CCDC33: variants seen among roughly 807,000 people sequenced by gnomAD.
CCDC33 encodes coiled-coil domain-containing protein 33.
CCDC33 carries 94 observed loss-of-function variants against 91.9 expected under a neutral mutation model. The ratio of observed to expected loss-of-function variants is 1.02; its 90% CI spans 0.87 to 1.21. CCDC33 has a LOEUF of 1.21. CCDC33 is among the 50% of genes most tolerant of loss of function. The pLI is 0.00. For synonymous variants in CCDC33, 396 were observed against 374.5 expected, an observed-to-expected ratio of 1.06 and a Z score of -0.66; for missense variants, 940 against 935.5, an observed-to-expected ratio of 1.00 and a Z score of -0.06.
intron 2 of CCDC33, among the ~76,000 whole-genome samples, chr15:74,258,656 G>T (rs562990422): frequency 6.6e-6 from 1 of 152,264 alleles, no homozygotes; most frequent in South Asian, 2.1e-4. Flanking sequence ...GCATGTGTGT[G>T]CATGTGTGTG....
intron 11 of CCDC33, chr15:74,302,306 G>T (rs2059810982): frequency 6.6e-6 from 1 of 152,294 alleles, no homozygotes; most frequent in African/African-American, 2.4e-5. Flanking sequence ...GTGCAGAGAG[G>T]AAGGAGGACC....
At chr15:74,241,448 T>C (rs1427529396) in intron 1 of CCDC33, among the ~76,000 whole-genome samples, 1 of 151,962 alleles carries the variant, frequency 6.6e-6, no homozygotes, top group Non-Finnish European at 1.5e-5. Context: ...GGGAGCTTGG[T>C]AGGTGTGAGA....
intron 7 of CCDC33, among the ~76,000 whole-genome samples, chr15:74,277,597 A>G (rs1228214852): frequency 6.6e-6 from 1 of 152,136 alleles, no homozygotes; most frequent in East Asian, 1.9e-4. Flanking sequence ...CATCCTGCAC[A>G]CACATCAGCC....
At chr15:74,251,505 C>T (rs2075707384) in intron 2 of CCDC33, among the ~76,000 whole-genome samples, 1 of 152,236 alleles carries the variant, frequency 6.6e-6, no homozygotes, top group African/African-American at 2.4e-5. Context: ...GTCAGGGCTG[C>T]CAGCATTGGC....
intron 11 of CCDC33, among the ~76,000 whole-genome samples, chr15:74,325,792 G>T (rs2060298424): frequency 6.6e-6 from 1 of 151,830 alleles, no homozygotes; most frequent in Non-Finnish European, 1.5e-5. Context: ...TTTTGCGGGG[G>T]GTGGGTAAGG....
At chr15:74,326,607 G>C (rs1224273463) in intron 11 of CCDC33, among the ~76,000 whole-genome samples, 1 of 152,244 alleles carries the variant, frequency 6.6e-6, no homozygotes, top group Non-Finnish European at 1.5e-5. Flanking sequence ...TTTCTCACCT[G>C]GGCAGGATCT....
At chr15:74,247,371 TAC>T (rs57645886) in intron 2 of CCDC33, among the ~76,000 whole-genome samples, 38,600 of 148,410 alleles carry the variant, frequency 0.26, 5,374 homozygotes, top group East Asian at 0.53. Flanking sequence ...TATATATATA[TAC>T]ACACACACAC....
At chr15:74,208,978 G>A in intron 1 of CCDC33, 2 of 1,010,114 alleles carry the variant, frequency 2.0e-6, no homozygotes, top group Non-Finnish European at 2.4e-6. Context: ...TGTGGTCTCG[G>A]CAGTTGGCCC....
upstream of CCDC33, among the ~76,000 whole-genome samples, chr15:74,232,368 G>A (rs2075005509): frequency 6.6e-6 from 1 of 152,178 alleles, no homozygotes; most frequent in Admixed American, 6.5e-5. Context: ...CAGCGCCTTG[G>A]GGGCTGGAAC....
chr15:74,322,923 C>G (rs1166551341), intron 11 of CCDC33, among the ~76,000 whole-genome samples: 2 of 152,194 alleles, frequency 1.3e-5, no homozygotes, highest in East Asian at 3.8e-4. Context: ...GCACCCACTT[C>G]AACACTAGCC....
intron 2 of CCDC33, among the ~76,000 whole-genome samples, chr15:74,224,600 T>C (rs1252446117): frequency 6.6e-6 from 1 of 152,212 alleles, no homozygotes. Context: ...AGGACCTGGA[T>C]GCTGATTGGG....
chr15:74,307,908 T>TCCC (rs2059920867), intron 11 of CCDC33, among the ~76,000 whole-genome samples: 240 of 143,158 alleles, frequency 1.7e-3, no homozygotes, highest in Non-Finnish European at 2.7e-3. Flanking sequence ...ACCCCACCCA[T>TCCC]CCCCTTTTCT....
intron 11 of CCDC33, among the ~76,000 whole-genome samples, chr15:74,325,997 C>T (rs2060302689): frequency 6.6e-6 from 1 of 152,206 alleles, no homozygotes; most frequent in Admixed American, 6.5e-5. Context: ...ATCATATCTT[C>T]TGTGCCCACT....
chr15:74,326,698 C>G (rs902785179), intron 11 of CCDC33, among the ~76,000 whole-genome samples: 6 of 152,214 alleles, frequency 3.9e-5, no homozygotes, highest in Admixed American at 3.9e-4. Context: ...GGCACAATGG[C>G]TTTGGAGTCA....
chr15:74,248,827 A>G (rs1289924100), intron 2 of CCDC33, among the ~76,000 whole-genome samples: 2 of 152,002 alleles, frequency 1.3e-5, no homozygotes, highest in Non-Finnish European at 2.9e-5. Flanking sequence ...TTGGCTTCCA[A>G]TCTGACCCCA....
At position 74,244,289 on chromosome 15, in the gene CCDC33, T is replaced by A; in HGVS notation, c.185+141T>A. The stretch of plus-strand genomic sequence containing the variant: ...AGAGGGGAGGAGCTGCTGTGGGCAC[T>A]ACCTGGCATCTCCGCTGCTGCATGG... On this transcript the variant is annotated intron_variant, in intron 2 of 18. Transcript: ENST00000398814. The surrounding 1 kb of genome is among the most constrained non-coding windows in gnomAD (Gnocchi z 4.2). 9.1e-7 allele frequency: 1 copy of A among 1,095,336 alleles called. No homozygotes were observed. The highest frequency in any genetic ancestry group is 1.3e-6 in the Non-Finnish European group (1 of 793,628). 67.9% of individuals were successfully genotyped at this position (1,095,336 alleles called of 1,614,324 possible). A position where few individuals can be genotyped will look rare whatever the true frequency, so the allele number is the denominator to read the frequency against.
chr15:74,322,281 C>T (rs896797962), intron 11 of CCDC33, among the ~76,000 whole-genome samples: 1 of 152,244 alleles, frequency 6.6e-6, no homozygotes, highest in South Asian at 2.1e-4. Flanking sequence ...TCTAAGTCCT[C>T]AGCTGGGACG....
chr15:74,325,505 T>C (rs2060292719), intron 11 of CCDC33, among the ~76,000 whole-genome samples: 1 of 152,038 alleles, frequency 6.6e-6, no homozygotes, highest in Non-Finnish European at 1.5e-5. Flanking sequence ...CTGTCACAGA[T>C]GTCACTGCCA....
intron 11 of CCDC33, among the ~76,000 whole-genome samples, chr15:74,306,573 G>A (rs1031704726): frequency 6.6e-6 from 1 of 152,092 alleles, no homozygotes; most frequent in African/African-American, 2.4e-5. Context: ...CCTGGCCTGG[G>A]GTCTCACCAA....
Sources: allele counts gnomAD v4.1 joint callset (sites outside exome capture counted in the v4.1 genomes callset), GRCh38; gene constraint gnomAD v4.1.1; non-coding constraint Gnocchi (gnomAD v3.1); transcripts MANE v1.5; gene names NCBI Gene and HGNC (gene_info 2026-07-23, HGNC 2026-07-21).